FREM3: variants seen among roughly 807,000 people sequenced by gnomAD.
FREM3 encodes FRAS1-related extracellular matrix protein 3.
In FREM3, 105 loss-of-function variants were observed where a neutral mutation model predicts 129.1. That is an observed-to-expected ratio of 0.81 (90% CI 0.69 to 0.96). The LOEUF (loss-of-function observed/expected upper bound fraction) is 0.96, where lower values mean the gene tolerates loss of function less well. FREM3 is among the 40% of genes least tolerant of loss of function. The probability of loss-of-function intolerance (pLI) is 0.00; values close to 1 mark genes in which losing one functional copy is unlikely to be tolerated. For missense variants in FREM3, 2,593 were observed against 2,666.3 expected (o/e 0.97, Z 0.61); for synonymous variants, 1,014 against 1,044.9 (o/e 0.97, Z 0.57).
rs776869114 is a variant in FREM3 at position 143,698,324 on chromosome 4, T to G, written c.2352A>C (p.Lys784Asn). The G allele has an allele frequency of 3.3e-6, 5 of 1,537,834 alleles. No homozygotes were observed. The South Asian group carries it at 5.9e-5, about 18-fold the overall frequency. ...HFTQAQVNQHKVAYQPPQKLG... is the reference protein window; with the variant it reads ...HFTQAQVNQHNVAYQPPQKLG... ...ATTTCTGTGGAGGCTGGTAGGCAAC[T>G]TTATGCTGATTTACCTGGGCTTGGG... The change falls in exon 1 of 8, where the codon AAA becomes AAC. Residue 784 changes from lysine (K) to asparagine (N), a missense_variant. By Grantham distance (94) the Lys-to-Asn change is moderately conservative. Coordinates refer to ENST00000329798, the MANE Select transcript of FREM3 (RefSeq NM_001168235.2).
At chr4:143,685,462 A>G (rs2149860514) in intron 2 of FREM3, among the ~76,000 whole-genome samples, 1 of 152,296 alleles carries the variant, frequency 6.6e-6, no homozygotes, top group East Asian at 1.9e-4. Context: ...GGAATTTATC[A>G]TTACCAAGCC....
intron 2 of FREM3, among the ~76,000 whole-genome samples, chr4:143,663,818 G>C (rs13105235): frequency 0.54 from 82,414 of 151,518 alleles, 23,459 homozygotes; most frequent in East Asian, 0.71. Context: ...TTCCCTTCTC[G>C]CTTCATTTCA....
intron 2 of FREM3, among the ~76,000 whole-genome samples, chr4:143,676,929 A>G (rs1272050729): frequency 2.6e-5 from 4 of 152,272 alleles, no homozygotes; most frequent in Admixed American, 6.5e-5. Flanking sequence ...CATGGTCATG[A>G]ATAGGAAGAA....
At chr4:143,608,950 G>A (rs2149838804) in intron 6 of FREM3, among the ~76,000 whole-genome samples, 1 of 152,240 alleles carries the variant, frequency 6.6e-6, no homozygotes, top group Non-Finnish European at 1.5e-5. Flanking sequence ...AATTTTAATG[G>A]AAAAACTCAG....
At chr4:143,608,233 C>T (rs1170610703) in intron 6 of FREM3, among the ~76,000 whole-genome samples, 10 of 152,176 alleles carry the variant, frequency 6.6e-5, no homozygotes, top group South Asian at 6.2e-4. Flanking sequence ...ATTCAGCCTA[C>T]GTTAATGACC....
chr4:143,696,939 G>A lies in FREM3; in HGVS notation c.3737C>T (p.Ala1246Val), dbSNP rs376137857. The change falls in exon 1 of 8, where the codon GCT becomes GTT. Residue 1246 changes from alanine (A) to valine (V), a missense_variant. Ala to Val is a moderately conservative substitution (Grantham distance 64). Transcript: ENST00000329798. ...PRHGRIIQQL[A>V]TGSQPIHSFT... ...GCTGTGGATGGGCTGGCTGCCTGTA[G>A]CCAGCTGCTGTATGATTCGTCCATG... 1.0e-5 allele frequency: 16 copies of A among 1,537,460 alleles called. No homozygotes were observed. In the African/African-American group the frequency reaches 2.2e-4, roughly 21 times the overall value.
At chr4:143,629,337 A>G (rs1289549889) in intron 2 of FREM3, among the ~76,000 whole-genome samples, 1 of 152,196 alleles carries the variant, frequency 6.6e-6, no homozygotes, top group Non-Finnish European at 1.5e-5. Context: ...GTTCTGATCT[A>G]TAGTTGCAAA....
intron 5 of FREM3, 128 bp downstream of exon 5, chr4:143,620,909 A>T: frequency 1.1e-6 from 1 of 890,696 alleles, no homozygotes; most frequent in Non-Finnish European, 1.7e-6. Flanking sequence ...CAGGGCATGG[A>T]CAATGAGGGG....
chr4:143,652,650 TCAGA>T (rs1052988298), intron 2 of FREM3, among the ~76,000 whole-genome samples: 3 of 152,214 alleles, frequency 2.0e-5, no homozygotes, highest in East Asian at 1.9e-4. Context: ...TCTGTTTTCT[TCAGA>T]CAGAGTCTGG....
chr4:143,619,788 A>C (rs1738914605), intron 5 of FREM3, among the ~76,000 whole-genome samples: 1 of 152,138 alleles, frequency 6.6e-6, no homozygotes, highest in African/African-American at 2.4e-5. Flanking sequence ...CTACTATTAA[A>C]GTTTCCATCT....
chr4:143,699,719 T>A lies in FREM3; in HGVS notation c.957A>T (p.Pro319=). 1 of 1,519,086 alleles carries A rather than the reference T, an allele frequency of 6.6e-7. No homozygotes were observed. Among genetic ancestry groups the A allele is most frequent in the Non-Finnish European group, 8.8e-7 (1 of 1,136,560 alleles). The allele number at this position is 1,519,086 out of a possible 1,614,324, so 94.1% of individuals were successfully genotyped here. The change falls in exon 1 of 8, where the codon CCA becomes CCT. Residue 319 remains proline (P), a synonymous_variant. Transcript: ENST00000329798. The surrounding 1 kb of genome is among the most constrained non-coding windows in gnomAD (Gnocchi z 4.2). ...CAGGCGTCAGGGCTGTCAGCACCAG[T>A]GGATCCACCTCCATCATCATCGTGG... ...FMATMMMEVD[P]LVLTALTPDA...
chr4:143,624,444 G>C (rs1381979597), intron 3 of FREM3, 106 bp from the exon 4 acceptor site: 9 of 686,956 alleles, frequency 1.3e-5, no homozygotes, highest in South Asian at 1.9e-5. Context: ...CATAGAAATT[G>C]TTTCTTTTAA....
At chr4:143,612,960 C>G (rs1367000833) in intron 5 of FREM3, among the ~76,000 whole-genome samples, 1 of 152,156 alleles carries the variant, frequency 6.6e-6, no homozygotes, top group Non-Finnish European at 1.5e-5. Flanking sequence ...ATGGTAAATG[C>G]ACATATGCAA....
intron 6 of FREM3, among the ~76,000 whole-genome samples, chr4:143,604,590 A>C (rs531363916): frequency 6.6e-6 from 1 of 152,294 alleles, no homozygotes; most frequent in Admixed American, 6.5e-5. Context: ...ATAAGGGCAG[A>C]TCTCAAATCT....
intron 2 of FREM3, among the ~76,000 whole-genome samples, chr4:143,657,995 A>G (rs1312870595): frequency 2.6e-5 from 4 of 152,076 alleles, no homozygotes; most frequent in African/African-American, 4.8e-5. Flanking sequence ...AAATCAATCC[A>G]CTTCTCTCCA....
intron 6 of FREM3, among the ~76,000 whole-genome samples, chr4:143,594,092 G>A (rs866306916): frequency 6.6e-6 from 1 of 152,214 alleles, no homozygotes; most frequent in Non-Finnish European, 1.5e-5. Context: ...CAGTAGTAGG[G>A]TGGGAGTGAC....
In FREM3 at chr4:143,699,684, G is replaced by A. The variant is rs1361874019; in HGVS notation, c.992C>T (p.Ala331Val). ...VLTALTPDAL[A>V]AEDVESDPGD... ...AGGGTCTGACTCGACGTCCTCCGCG[G>A]CCAGTGCGTCAGGCGTCAGGGCTGT... is the stretch of plus-strand genomic sequence containing the variant. The change falls in exon 1 of 8, where the codon GCC becomes GTC. Residue 331 changes from alanine to valine, a missense_variant. Physicochemically the swap from Ala to Val is moderately conservative, Grantham distance 64 (BLOSUM62 0). Around this residue, in one of 2 missense-constraint regions of FREM3, gnomAD observed 2,276 missense variants for 2,267.2 expected, o/e 1.00. Coordinates refer to ENST00000329798, the MANE Select transcript of FREM3 (RefSeq NM_001168235.2). This position sits in a 1 kb window ranked among gnomAD's most constrained non-coding sequence, Gnocchi z 4.2. 9.8e-6 allele frequency: 15 copies of A among 1,526,502 alleles called. No individual in the cohort carries two copies. In the Admixed American group the frequency reaches 3.0e-4, roughly 30 times the overall value. The allele number at this position is 1,526,502 out of a possible 1,614,324, so 94.6% of individuals were successfully genotyped here.
chr4:143,603,825 C>A (rs1451804369), intron 6 of FREM3, among the ~76,000 whole-genome samples: 2 of 152,016 alleles, frequency 1.3e-5, no homozygotes, highest in East Asian at 3.9e-4. Flanking sequence ...AAATGTCATA[C>A]CCCCTGTAAT....
At chr4:143,633,721 G>A (rs147934236) in intron 2 of FREM3, among the ~76,000 whole-genome samples, 26 of 152,206 alleles carry the variant, frequency 1.7e-4, no homozygotes, top group African/African-American at 5.5e-4. Context: ...TGGTGTTTTG[G>A]AATGCATAAA....
Sources: allele counts gnomAD v4.1 joint callset (sites outside exome capture counted in the v4.1 genomes callset), GRCh38; gene constraint gnomAD v4.1.1; regional missense constraint gnomAD v4.1.1; non-coding constraint Gnocchi (gnomAD v3.1); transcripts MANE v1.5; gene names NCBI Gene and HGNC (gene_info 2026-07-23, HGNC 2026-07-21).